The following AGTPBP1 variants were observed in gnomAD, a reference collection of about 807,000 sequenced individuals.
The protein encoded by AGTPBP1 is ATP/GTP binding carboxypeptidase 1.
Under a neutral mutation model 143.9 loss-of-function variants are expected in AGTPBP1, and 70 were observed. That is an observed-to-expected ratio of 0.49 (90% CI 0.40 to 0.59). AGTPBP1 has a LOEUF of 0.59. Ranked by LOEUF, AGTPBP1 falls within the 20% of genes least tolerant of loss-of-function variation. AGTPBP1 has a pLI of 0.00. For synonymous variants in AGTPBP1, 463 were observed against 500.2 expected (o/e 0.93, Z 0.99); for missense variants, 1,229 against 1,464.5 (o/e 0.84, Z 2.62).
Position 85,575,459 on chromosome 9 carries a change from G to T in AGTPBP1, c.3359C>A (p.Thr1120Asn), listed in dbSNP as rs984700088. ...QGKYKGLQIG[T>N]RELEEMGAKF... ...TGCTCCCATCTCTTCCAGTTCTCGG[G>T]TACCAATCTGTAAACCCTTGAAATA... Residue 1120 changes from threonine (T) to asparagine (N), a missense_variant, in exon 25 of 26, where the codon ACC (threonine) becomes AAC (asparagine). Physicochemically the swap from Thr to Asn is moderately conservative, Grantham distance 65 (BLOSUM62 0). Transcript: ENST00000357081. 6.2e-7 allele frequency: 1 copy of T among 1,605,460 alleles called. No homozygotes were observed. Among genetic ancestry groups the T allele is most frequent in the Non-Finnish European group, 8.5e-7 (1 of 1,177,842 alleles).
At chr9:85,761,482 T>C in the AGTPBP1 span, among the ~76,000 whole-genome samples, 1 of 152,066 alleles carries the variant, frequency 6.6e-6, no homozygotes, top group Admixed American at 6.6e-5. Flanking sequence ...CATCTACAAC[T>C]CTCTGATCTT....
At chr9:85,607,905 A>G (rs903553391) in intron 17 of AGTPBP1, among the ~76,000 whole-genome samples, 2 of 152,082 alleles carry the variant, frequency 1.3e-5, no homozygotes, top group Admixed American at 6.5e-5. Context: ...CTCTACGTAG[A>G]AAAAAATACA....
At chr9:85,609,414 C>T (rs1036461133) in intron 17 of AGTPBP1, among the ~76,000 whole-genome samples, 35 of 152,038 alleles carry the variant, frequency 2.3e-4, no homozygotes, top group Admixed American at 1.6e-3. Flanking sequence ...CCTCAGCCTC[C>T]CAGGTAGCTG....
intron 25 of AGTPBP1, among the ~76,000 whole-genome samples, chr9:85,556,052 C>T (rs1015043673): frequency 7.2e-5 from 11 of 151,832 alleles, no homozygotes; most frequent in Admixed American, 5.2e-4. Context: ...AGTACCCAGG[C>T]GAGGAAATAA....
At chr9:85,748,634 G>A in the AGTPBP1 span, among the ~76,000 whole-genome samples, 1 of 152,218 alleles carries the variant, frequency 6.6e-6, no homozygotes, top group Admixed American at 6.5e-5. Context: ...GGGTGTGCTA[G>A]AAGTTTGGGC....
chr9:85,756,829 A>G, the AGTPBP1 span, among the ~76,000 whole-genome samples: 267 of 152,254 alleles, frequency 1.8e-3, 4 homozygotes, highest in African/African-American at 6.1e-3. Flanking sequence ...TGTTAAGTGA[A>G]AGAAACCAGT....
chr9:85,570,242 T>C (rs1307368013), intron 25 of AGTPBP1, among the ~76,000 whole-genome samples: 1 of 152,210 alleles, frequency 6.6e-6, no homozygotes, highest in East Asian at 1.9e-4. Context: ...ACCAGACTAC[T>C]GAGAACAACA....
chr9:85,707,240 T>C (rs892867774), intron 2 of AGTPBP1, among the ~76,000 whole-genome samples: 2 of 151,938 alleles, frequency 1.3e-5, no homozygotes, highest in Non-Finnish European at 1.5e-5. Context: ...ATCACCAAAA[T>C]AGTATTTAGG....
chr9:85,663,413 C>A (rs554635151), intron 8 of AGTPBP1, among the ~76,000 whole-genome samples: 8 of 152,160 alleles, frequency 5.3e-5, no homozygotes, highest in Non-Finnish European at 7.4e-5. Context: ...CTAAACAGTG[C>A]TTTGATCCCA....
rs116622848 is a variant in AGTPBP1, at chr9:85,741,508, C to T, written c.-34+267G>A. On this transcript the variant is annotated intron_variant, in intron 1 of 25. Transcript: ENST00000357081. ...CCGATACCCTCCGCAAGGTCTGGGA[C>T]GGGGATCCACCGAGGGTCCGGGGAC... 6.2e-3 allele frequency: 6,131 copies of T among 985,362 alleles called. 273 individuals are homozygous for T. In the African/African-American group the frequency reaches 0.099, roughly 16 times the overall value. The allele number at this position is 985,362 out of a possible 1,614,324, so 61.0% of individuals were successfully genotyped here. A position where few individuals can be genotyped will look rare whatever the true frequency, so the allele number is the denominator to read the frequency against.
At chr9:85,741,282 G>A (rs1185462440) in intron 1 of AGTPBP1, 1 of 985,278 alleles carries the variant, frequency 1.0e-6, no homozygotes, top group Non-Finnish European at 1.2e-6. Context: ...CCTTGCTGGC[G>A]CTCAGTCGGG....
At chr9:85,622,567 CTAGT>C (rs763954797) in intron 14 of AGTPBP1, among the ~76,000 whole-genome samples, 41 of 152,046 alleles carry the variant, frequency 2.7e-4, no homozygotes, top group East Asian at 1.7e-3. Flanking sequence ...TCTTAATCTA[CTAGT>C]TAAACAGTTA....
intron 1 of AGTPBP1, among the ~76,000 whole-genome samples, chr9:85,730,916 C>A (rs903294460): frequency 6.6e-6 from 1 of 152,106 alleles, no homozygotes; most frequent in African/African-American, 2.4e-5. Flanking sequence ...CTGATTGAAC[C>A]CATACTGATA....
At chr9:85,573,472 C>T (rs980963157) in intron 25 of AGTPBP1, among the ~76,000 whole-genome samples, 2 of 152,144 alleles carry the variant, frequency 1.3e-5, no homozygotes, top group Non-Finnish European at 2.9e-5. Context: ...ACCTCCCAGC[C>T]GCCTGCCTTG....
At chr9:85,671,584 G>A (rs982802196) in intron 7 of AGTPBP1, among the ~76,000 whole-genome samples, 1 of 151,676 alleles carries the variant, frequency 6.6e-6, no homozygotes, top group Non-Finnish European at 1.5e-5. Flanking sequence ...CACATATCTA[G>A]CACTCTATCA....
intron 3 of AGTPBP1, among the ~76,000 whole-genome samples, chr9:85,684,101 ACTTAT>A (rs1221856759): frequency 6.6e-6 from 1 of 152,102 alleles, no homozygotes; most frequent in Non-Finnish European, 1.5e-5. Flanking sequence ...TGCTCCTTTC[ACTTAT>A]CTTAGCTCAC....
intron 12 of AGTPBP1, 175 bp from the exon 13 acceptor site, chr9:85,643,118 T>G (rs1205802378): frequency 3.5e-6 from 2 of 566,686 alleles, no homozygotes; most frequent in Non-Finnish European, 6.1e-6. Context: ...GTTTTGGGGT[T>G]GTTGTGTTAT....
chr9:85,700,861 C>T (rs902452711), intron 2 of AGTPBP1, among the ~76,000 whole-genome samples: 1 of 152,154 alleles, frequency 6.6e-6, no homozygotes, highest in Non-Finnish European at 1.5e-5. Flanking sequence ...GTATCTACTA[C>T]ATCAGCTTAG....
intron 25 of AGTPBP1, among the ~76,000 whole-genome samples, chr9:85,547,577 T>C (rs1825803154): frequency 6.6e-6 from 1 of 152,222 alleles, no homozygotes; most frequent in African/African-American, 2.4e-5. Flanking sequence ...GGTTATTTCT[T>C]TGAATGATTT....
Sources: gnomAD v4.1 joint callset for allele counts (sites outside exome capture counted in the v4.1 genomes callset) on GRCh38, gnomAD v4.1.1 for gene constraint, MANE v1.5 for transcripts, NCBI Gene and HGNC (gene_info 2026-07-23, HGNC 2026-07-21) for gene names.